Variants in PSD3 observed in about 807,000 individuals in gnomAD.
PSD3 encodes the protein pleckstrin and Sec7 domain containing 3.
PSD3 carries 49 observed loss-of-function variants against 105.5 expected under a neutral mutation model. The observed-to-expected ratio is 0.46, with a 90% confidence interval of 0.37 to 0.59. The LOEUF (loss-of-function observed/expected upper bound fraction) is 0.59. Among genes scored for constraint, PSD3 ranks in the 20% least tolerant of loss-of-function variants. The pLI, the probability that PSD3 is intolerant of heterozygous loss-of-function variation, is 0.00. For missense variants in PSD3, 1,561 were observed against 1,263.8 expected (o/e 1.24, Z -3.57); for synonymous variants, 557 against 457.8 (o/e 1.22, Z -2.77).
At chr8:18,581,991 G>GAA (rs1802847090) in intron 12 of PSD3, among the ~76,000 whole-genome samples, 4 of 152,198 alleles carry the variant, frequency 2.6e-5, no homozygotes, top group Non-Finnish European at 4.4e-5. Context: ...AAGAGCTCTG[G>GAA]ATAATGTAAG....
In PSD3 at chr8:19,019,990, T is replaced by C. The variant is rs1009544350; in HGVS notation, c.324+64216A>G. Among the ~76,000 whole-genome samples the C allele has an allele frequency of 2.6e-5, 4 of 152,316 alleles. No individual in the cohort carries two copies. In the East Asian group the frequency reaches 5.8e-4, roughly 22 times the overall value. On this transcript the variant is annotated intron_variant, in intron 1 of 1. Coordinates refer to the PSD3 transcript ENST00000521475. ...GGCATAGGGTAGACTCAGCTCACCT[T>C]TCCCCCAAGACCCGAATAACTGAGG... is the stretch of plus-strand genomic sequence containing the variant.
intron 11 of PSD3, among the ~76,000 whole-genome samples, chr8:18,615,490 G>T (rs1395510206): frequency 2.6e-5 from 4 of 152,150 alleles, no homozygotes; most frequent in Non-Finnish European, 5.9e-5. Context: ...TAGAAGTAAC[G>T]TGTCTTGCTG....
rs1799486305 is a variant in PSD3, at chr8:18,527,881, T to C, written c.*7862A>G. 1 of 152,212 alleles carries C rather than the reference T, an allele frequency of 6.6e-6. No individual in the cohort carries two copies. Among genetic ancestry groups the C allele is most frequent in the African/African-American group, 2.4e-5 (1 of 41,432 alleles). The allele number at this position is 152,212 out of a possible 1,614,324, so 9.4% of individuals were successfully genotyped here. ...ATTGAAAAGGAGCAGGCTGCTATTT[T>C]GTCACTAATTACTTTCACAATTTGC... On this transcript the variant is annotated 3_prime_UTR_variant, in exon 16 of 16. Transcript: ENST00000327040.
chr8:18,728,791 C>T (rs6421412), intron 9 of PSD3, among the ~76,000 whole-genome samples: 142,882 of 152,190 alleles, frequency 0.94, 67,169 homozygotes, highest in African/African-American at 0.96. Flanking sequence ...ACAAATATAA[C>T]CTTTATATGT....
At chr8:18,655,901 A>G (rs551893107) in intron 9 of PSD3, among the ~76,000 whole-genome samples, 7 of 152,356 alleles carry the variant, frequency 4.6e-5, no homozygotes, top group African/African-American at 9.6e-5. Flanking sequence ...TCACAAAGTT[A>G]TAACTGTCTT....
At chr8:18,822,767 C>T (rs898351461) in intron 4 of PSD3, among the ~76,000 whole-genome samples, 2 of 152,156 alleles carry the variant, frequency 1.3e-5, no homozygotes, top group African/African-American at 2.4e-5. Flanking sequence ...AAATTCACCA[C>T]GGAAAAGTCA....
chr8:18,637,756 C>T (rs1387902020), intron 10 of PSD3, among the ~76,000 whole-genome samples: 1 of 152,002 alleles, frequency 6.6e-6, no homozygotes, highest in African/African-American at 2.4e-5. Context: ...ACAACCAATA[C>T]CATAATAAAA....
chr8:19,077,641 T>A (rs920391473), intron 1 of PSD3, among the ~76,000 whole-genome samples: 1 of 152,218 alleles, frequency 6.6e-6, no homozygotes, highest in African/African-American at 2.4e-5. Flanking sequence ...ATCAGAGCTC[T>A]CTCAAACTTT....
intron 9 of PSD3, among the ~76,000 whole-genome samples, chr8:18,745,797 A>T (rs1275653032): frequency 1.3e-5 from 2 of 152,336 alleles, no homozygotes; most frequent in East Asian, 3.9e-4. Flanking sequence ...CAATCCATAC[A>T]TTAAAAATTA....
At chr8:19,079,733 G>A (rs1316670195) in intron 1 of PSD3, among the ~76,000 whole-genome samples, 1 of 152,134 alleles carries the variant, frequency 6.6e-6, no homozygotes, top group Non-Finnish European at 1.5e-5. Flanking sequence ...ACTGTTCAAA[G>A]AAAGCACTGA....
chr8:19,066,455 A>G (rs1829078283), intron 1 of PSD3, among the ~76,000 whole-genome samples: 1 of 152,218 alleles, frequency 6.6e-6, no homozygotes, highest in African/African-American at 2.4e-5. Context: ...GGGTCAACCA[A>G]TAAATGCCCT....
intron 15 of PSD3, among the ~76,000 whole-genome samples, chr8:18,537,900 C>G (rs1045062367): frequency 6.6e-6 from 1 of 152,232 alleles, no homozygotes; most frequent in Non-Finnish European, 1.5e-5. Context: ...TGGCCTCGAA[C>G]TCCTGACCTC....
At chr8:19,051,328 C>A (rs1292647824) in intron 1 of PSD3, among the ~76,000 whole-genome samples, 1 of 152,156 alleles carries the variant, frequency 6.6e-6, no homozygotes, top group Non-Finnish European at 1.5e-5. Flanking sequence ...TGGGATCAGA[C>A]TACACTCTCT....
chr8:18,568,805 A>C, intron 14 of PSD3, among the ~76,000 whole-genome samples: 1 of 151,724 alleles, frequency 6.6e-6, no homozygotes, highest in Non-Finnish European at 1.5e-5. Context: ...CGCTGCACCC[A>C]CTAACTCGTC....
intron 9 of PSD3, among the ~76,000 whole-genome samples, chr8:18,762,324 C>T (rs1806607337): frequency 6.6e-6 from 1 of 152,148 alleles, no homozygotes; most frequent in South Asian, 2.1e-4. Flanking sequence ...CCCCTTCTGC[C>T]ACGATTTTAG....
At chr8:19,043,074 T>C (rs1218908075) in intron 1 of PSD3, among the ~76,000 whole-genome samples, 1 of 152,104 alleles carries the variant, frequency 6.6e-6, no homozygotes, top group African/African-American at 2.4e-5. Flanking sequence ...AAGAGGCTTA[T>C]AAAAAATGGG....
chr8:18,637,867 T>C (rs1428233024), intron 10 of PSD3, among the ~76,000 whole-genome samples: 1 of 152,138 alleles, frequency 6.6e-6, no homozygotes, highest in Non-Finnish European at 1.5e-5. Flanking sequence ...TCATTAAGAT[T>C]CAGTACTGGG....
chr8:18,801,645 C>G (rs1810700163), intron 6 of PSD3, among the ~76,000 whole-genome samples: 1 of 152,100 alleles, frequency 6.6e-6, no homozygotes, highest in Non-Finnish European at 1.5e-5. Flanking sequence ...GCCTGGCCAA[C>G]ATGGCGAAAC....
At chr8:18,566,120 G>T (rs533247889) in intron 14 of PSD3, among the ~76,000 whole-genome samples, 1 of 152,104 alleles carries the variant, frequency 6.6e-6, no homozygotes, top group Non-Finnish European at 1.5e-5. Context: ...AGAGCCTCAG[G>T]TGCTACTCCA....
Sources: allele counts gnomAD v4.1 joint callset (sites outside exome capture counted in the v4.1 genomes callset), GRCh38; gene constraint gnomAD v4.1.1; transcripts MANE v1.5; gene names NCBI Gene and HGNC (gene_info 2026-07-23, HGNC 2026-07-21).